Variants in GPM6A observed in about 807,000 individuals in gnomAD.
GPM6A encodes the protein neuronal membrane glycoprotein M6-a.
Under a neutral mutation model 32.1 loss-of-function variants are expected in GPM6A, and 7 were observed. The ratio of observed to expected loss-of-function variants is 0.22; its 90% CI spans 0.12 to 0.41. GPM6A has a LOEUF of 0.41. Among genes scored for constraint, GPM6A ranks in the 10% least tolerant of loss-of-function variants. GPM6A has a pLI of 1.00. For synonymous variants in GPM6A, 130 were observed against 123.4 expected (o/e 1.05, Z -0.35); for missense variants, 235 against 347.2 (o/e 0.68, Z 2.57).
chr4:175,888,289 T>C (rs1278378907), intron 1 of GPM6A, among the ~76,000 whole-genome samples: 1 of 152,034 alleles, frequency 6.6e-6, no homozygotes, highest in Non-Finnish European at 1.5e-5. Flanking sequence ...GCTTTAAGCA[T>C]ACCAGAAATC....
chr4:175,987,524 TTGTGTG>T (rs141045074), intron 1 of GPM6A, among the ~76,000 whole-genome samples: 3,008 of 148,668 alleles, frequency 0.02, 66 homozygotes, highest in African/African-American at 0.05. Context: ...TAAAGTGTGT[TTGTGTG>T]TGTGTGTGTG....
intron 1 of GPM6A, among the ~76,000 whole-genome samples, chr4:175,931,701 C>CAT (rs1359953569): frequency 6.8e-6 from 1 of 146,458 alleles, no homozygotes; most frequent in Non-Finnish European, 1.5e-5. Context: ...CACACACACA[C>CAT]ACACACACAT....
At chr4:175,839,604 CT>C (rs964949896) in intron 1 of GPM6A, among the ~76,000 whole-genome samples, 181 of 151,310 alleles carry the variant, frequency 1.2e-3, no homozygotes, top group African/African-American at 3.7e-3. Context: ...ATAAAAAACA[CT>C]TTTTTTTTAA....
intron 1 of GPM6A, among the ~76,000 whole-genome samples, chr4:175,716,277 A>C (rs540775138): frequency 6.6e-6 from 1 of 152,274 alleles, no homozygotes; most frequent in African/African-American, 2.4e-5. Flanking sequence ...AATCATGATA[A>C]TTTTCTACTT....
intron 1 of GPM6A, among the ~76,000 whole-genome samples, chr4:175,829,140 G>A (rs1037235046): frequency 1.3e-5 from 2 of 152,136 alleles, no homozygotes; most frequent in African/African-American, 4.8e-5. Context: ...ATGTTGCCCA[G>A]GCTGGTCTCG....
At chr4:175,999,899 G>A (rs570622976) in intron 1 of GPM6A, among the ~76,000 whole-genome samples, 35 of 152,286 alleles carry the variant, frequency 2.3e-4, no homozygotes, top group African/African-American at 8.4e-4. Context: ...GTTCTGAGTA[G>A]TGAAGTTTTA....
At chr4:175,711,946 A>G (rs1579414636) in intron 1 of GPM6A, among the ~76,000 whole-genome samples, 1 of 152,210 alleles carries the variant, frequency 6.6e-6, no homozygotes, top group African/African-American at 2.4e-5. Context: ...AGATGCTCTA[A>G]ATAGGCAACT....
intron 2 of GPM6A, among the ~76,000 whole-genome samples, chr4:175,689,200 T>A (rs1744156815): frequency 6.6e-6 from 1 of 152,214 alleles, no homozygotes; most frequent in South Asian, 2.1e-4. Flanking sequence ...TGGAGCCCTT[T>A]GTGATTCCAT....
At chr4:175,977,870 T>C (rs1440450640) in intron 1 of GPM6A, among the ~76,000 whole-genome samples, 5 of 152,190 alleles carry the variant, frequency 3.3e-5, no homozygotes, top group Non-Finnish European at 5.9e-5. Context: ...AACTGAACTC[T>C]TTTTAACCTT....
At chr4:175,851,024 A>C (rs1169835909) in intron 1 of GPM6A, among the ~76,000 whole-genome samples, 1 of 152,086 alleles carries the variant, frequency 6.6e-6, no homozygotes, top group African/African-American at 2.4e-5. Flanking sequence ...ATATCACTGC[A>C]GCCCATTCTC....
rs115868660 is a variant in GPM6A at position 175,931,478 on chromosome 4, A to G, written c.-23+70831T>C. On this transcript the variant is annotated intron_variant, in intron 1 of 7. Coordinates refer to the GPM6A transcript ENST00000280187. ...TCAGATGACTTGTACTTTTCTCTCT[A>G]TATTTTACTATTAGTTGAATCCAGG... 3.3e-3 allele frequency among the ~76,000 whole-genome samples: 509 copies of G among 152,194 alleles called. 5 individuals carry two copies. Among genetic ancestry groups the G allele is most frequent in the Middle Eastern group, 0.017 (5 of 294 alleles).
chr4:175,843,524 A>G (rs1736001361), intron 1 of GPM6A, among the ~76,000 whole-genome samples: 1 of 152,144 alleles, frequency 6.6e-6, no homozygotes, highest in African/African-American at 2.4e-5. Context: ...CAACACATTT[A>G]TTCAGGTCTT....
At chr4:175,890,608 C>A (rs1249205171) in intron 1 of GPM6A, among the ~76,000 whole-genome samples, 1 of 150,376 alleles carries the variant, frequency 6.6e-6, no homozygotes, top group African/African-American at 2.5e-5. Context: ...GCTCTGTTGC[C>A]CAGGCTGGAG....
intron 3 of GPM6A, among the ~76,000 whole-genome samples, chr4:175,673,441 T>G (rs1184819354): frequency 6.6e-6 from 1 of 151,858 alleles, no homozygotes; most frequent in African/African-American, 2.4e-5. Context: ...ATCAACAGTG[T>G]TGCTACCTCT....
chr4:175,848,725 T>G (rs371387032), intron 1 of GPM6A, among the ~76,000 whole-genome samples: 1 of 152,254 alleles, frequency 6.6e-6, no homozygotes, highest in African/African-American at 2.4e-5. Context: ...TTTCAAGAGA[T>G]AATGTATACA....
At chr4:175,828,139 T>C (rs555127868) in intron 1 of GPM6A, among the ~76,000 whole-genome samples, 1 of 152,294 alleles carries the variant, frequency 6.6e-6, no homozygotes, top group South Asian at 2.1e-4. Flanking sequence ...GAAAAACTAG[T>C]GGACTGATCT....
At chr4:175,940,641 C>G (rs1227689359) in intron 1 of GPM6A, among the ~76,000 whole-genome samples, 1 of 152,130 alleles carries the variant, frequency 6.6e-6, no homozygotes, top group East Asian at 1.9e-4. Context: ...GAGTGTCACT[C>G]TGTCGCCCAG....
intron 1 of GPM6A, among the ~76,000 whole-genome samples, chr4:175,723,259 G>T (rs1746238634): frequency 6.6e-6 from 1 of 152,158 alleles, no homozygotes; most frequent in Non-Finnish European, 1.5e-5. Flanking sequence ...AAACAAGCTT[G>T]ACCATCTCAG....
intron 1 of GPM6A, among the ~76,000 whole-genome samples, chr4:175,797,619 A>G (rs974962430): frequency 1.3e-5 from 2 of 152,262 alleles, no homozygotes; most frequent in East Asian, 1.9e-4. Flanking sequence ...TAAAGACTAT[A>G]TATCATTTAA....
Sources: allele counts gnomAD v4.1 joint callset (sites outside exome capture counted in the v4.1 genomes callset), GRCh38; gene constraint gnomAD v4.1.1; transcripts MANE v1.5; gene names NCBI Gene and HGNC (gene_info 2026-07-23, HGNC 2026-07-21).